PRRX1: variants seen among roughly 807,000 people sequenced by gnomAD.
The protein encoded by PRRX1 is paired related homeobox 1.
A neutral mutation model predicts 24.0 loss-of-function variants in PRRX1; 8 were observed. The observed-to-expected ratio is 0.33, with a 90% confidence interval of 0.20 to 0.60. The LOEUF (loss-of-function observed/expected upper bound fraction) is 0.60, where lower values mean the gene tolerates loss of function less well. Ranked by LOEUF, PRRX1 falls within the 20% of genes least tolerant of loss-of-function variation. PRRX1 has a pLI of 0.82. For synonymous variants in PRRX1, 160 were observed against 131.7 expected, an observed-to-expected ratio of 1.22 and a Z score of -1.47; for missense variants, 281 against 322.4, an observed-to-expected ratio of 0.87 and a Z score of 0.98.
rs376166574 is a variant in PRRX1 at position 170,702,419 on chromosome 1, G to T, written c.242-17307G>T. Among the ~76,000 whole-genome samples, 5 of 152,106 alleles carry T rather than the reference G, an allele frequency of 3.3e-5. No individual in the cohort carries two copies. The East Asian group carries it at 7.8e-4, about 24-fold the overall frequency. ...TTTCAAGCCTCTAATAACCACAATT[G>T]TACTCTCTACTTGGAAGAACTTTTA... On this transcript the variant is annotated intron_variant, in intron 1 of 3. Transcript: ENST00000239461.
chr1:170,706,241 TGGAATTACACAGTGTCTA>T (rs1168269879), intron 1 of PRRX1, among the ~76,000 whole-genome samples: 1 of 152,200 alleles, frequency 6.6e-6, no homozygotes, highest in Non-Finnish European at 1.5e-5. Context: ...TGTATATCCA[TGGAATTACACAGTGTCTA>T]GTTAATCCAT....
At chr1:170,687,554 C>T (rs534396422) in intron 1 of PRRX1, among the ~76,000 whole-genome samples, 1 of 152,274 alleles carries the variant, frequency 6.6e-6, no homozygotes, top group South Asian at 2.1e-4. Context: ...GCCCTCTGAG[C>T]CTCACTTTCC....
rs139256230 is a variant in PRRX1 at position 170,706,716 on chromosome 1, A to G, written c.242-13010A>G. 2.6e-5 allele frequency among the ~76,000 whole-genome samples: 4 copies of G among 152,334 alleles called. No homozygotes were observed. In the East Asian group the frequency reaches 5.8e-4, roughly 22 times the overall value. On this transcript the variant is annotated intron_variant, in intron 1 of 3. Transcript: ENST00000239461. ...TTAGAGACAAGTTTTGATATAAAAA[A>G]TGGGTTCTCTCAGGTCAAGAAGTTA...
intron 1 of PRRX1, among the ~76,000 whole-genome samples, chr1:170,675,224 G>A (rs971175117): frequency 1.3e-5 from 2 of 152,022 alleles, no homozygotes; most frequent in East Asian, 3.9e-4. Context: ...TTCCTTTTCT[G>A]CTTGTTCTAG....
intron 1 of PRRX1, among the ~76,000 whole-genome samples, chr1:170,695,230 A>C (rs1252157019): frequency 6.6e-6 from 1 of 152,178 alleles, no homozygotes; most frequent in African/African-American, 2.4e-5. Flanking sequence ...GAGGAAACTG[A>C]AGTGATTTGC....
At chr1:170,670,819 A>G (rs1004119128) in intron 1 of PRRX1, among the ~76,000 whole-genome samples, 1 of 152,136 alleles carries the variant, frequency 6.6e-6, no homozygotes, top group African/African-American at 2.4e-5. Flanking sequence ...GAATAAATCA[A>G]TCAGAGGCAC....
chr1:170,709,092 A>G (rs531228560), intron 1 of PRRX1, among the ~76,000 whole-genome samples: 2 of 152,330 alleles, frequency 1.3e-5, no homozygotes, highest in South Asian at 2.1e-4. Context: ...GCCTACCCTC[A>G]TGAAGCTATA....
chr1:170,695,388 G>T (rs879918691), intron 1 of PRRX1, among the ~76,000 whole-genome samples: 2 of 152,112 alleles, frequency 1.3e-5, no homozygotes, highest in East Asian at 3.9e-4. Context: ...CATACCTAAG[G>T]TTCAATCAGT....
At chr1:170,720,007 C>T in intron 2 of PRRX1, 106 bp downstream of exon 2, 3 of 1,420,932 alleles carry the variant, frequency 2.1e-6, no homozygotes, top group Non-Finnish European at 2.9e-6. Context: ...GTGGCTCATG[C>T]CTGCAATCTC....
chr1:170,716,640 A>C (rs918334420), intron 1 of PRRX1, among the ~76,000 whole-genome samples: 2 of 152,222 alleles, frequency 1.3e-5, no homozygotes, highest in African/African-American at 4.8e-5. Flanking sequence ...AACTTGGTGA[A>C]TCCTTCCCAT....
chr1:170,676,216 C>T (rs569354655), intron 1 of PRRX1, among the ~76,000 whole-genome samples: 191 of 152,288 alleles, frequency 1.3e-3, no homozygotes, highest in Middle Eastern at 0.01. Flanking sequence ...TAATATCACT[C>T]CACATTTGAC....
chr1:170,693,374 G>C (rs1318475868), intron 1 of PRRX1, among the ~76,000 whole-genome samples: 1 of 151,946 alleles, frequency 6.6e-6, no homozygotes, highest in East Asian at 1.9e-4. Context: ...GTGTACTTAG[G>C]GTCAGTATGA....
Position 170,736,299 on chromosome 1 carries a change from A to C in PRRX1, c.*113A>C. 2 of 1,395,002 alleles carry C rather than the reference A, an allele frequency of 1.4e-6. No individual in the cohort carries two copies. Among genetic ancestry groups the C allele is most frequent in the Non-Finnish European group, 2.0e-6 (2 of 1,006,652 alleles). 86.4% of individuals were successfully genotyped at this position (1,395,002 alleles called of 1,614,324 possible). A position where few individuals can be genotyped will look rare whatever the true frequency, so the allele number is the denominator to read the frequency against. Reference sequence around the variant, plus strand: ...GAAAAAGTAAATTACAAACAAACAAACAAAGCAGAACTAAAATATTGGGAC... The same window carrying C: ...GAAAAAGTAAATTACAAACAAACAACCAAAGCAGAACTAAAATATTGGGAC... On this transcript the variant is annotated 3_prime_UTR_variant, in exon 4 of 4. Transcript: ENST00000239461.
intron 1 of PRRX1, among the ~76,000 whole-genome samples, chr1:170,714,775 C>T (rs1267213007): frequency 1.3e-5 from 2 of 152,148 alleles, no homozygotes; most frequent in East Asian, 1.9e-4. Flanking sequence ...CACCTTCCCT[C>T]TAGGGCAACT....
intron 1 of PRRX1, among the ~76,000 whole-genome samples, chr1:170,700,351 T>G (rs912115353): frequency 7.9e-5 from 12 of 152,128 alleles, no homozygotes; most frequent in African/African-American, 2.9e-4. Context: ...GGAGAACCTT[T>G]AGGATATATA....
At chr1:170,668,809 C>G (rs61130317) in intron 1 of PRRX1, 26,496 of 152,068 alleles carry the variant, frequency 0.17, 2,601 homozygotes, top group Admixed American at 0.3. Flanking sequence ...GACTCTGGGG[C>G]CCACTGGCAG....
chr1:170,713,482 A>G (rs1654810016), intron 1 of PRRX1, among the ~76,000 whole-genome samples: 2 of 152,364 alleles, frequency 1.3e-5, no homozygotes, highest in South Asian at 4.1e-4. Flanking sequence ...TTTGTTCTAT[A>G]GAGGTGAAAA....
Position 170,719,947 on chromosome 1 carries a change from G to A in PRRX1, c.417+46G>A, listed in dbSNP as rs190466525. The A allele has an allele frequency of 5.5e-4, 881 of 1,604,560 alleles. 5 individuals carry two copies. The African/African-American group carries it at 0.01, about 18-fold the overall frequency. On this transcript the variant is annotated intron_variant, in intron 2 of 3. Coordinates refer to ENST00000239461, the MANE Select transcript of PRRX1 (RefSeq NM_022716.4). ...CTGGCACCAAGTAGTACCCTCCTCAGAGGCACATCTCTGAAAACTGTTTAA... is the reference window on the plus strand; with the variant it reads ...CTGGCACCAAGTAGTACCCTCCTCAAAGGCACATCTCTGAAAACTGTTTAA...
chr1:170,736,380 T>A lies in PRRX1; in HGVS notation c.*194T>A. ...ATGAAAATTAGTTAACAAATGTTCCTCCTCCCTCTGGGATACCACCACCAC... is the reference window on the plus strand; with the variant it reads ...ATGAAAATTAGTTAACAAATGTTCCACCTCCCTCTGGGATACCACCACCAC... On this transcript the variant is annotated 3_prime_UTR_variant, in exon 4 of 4. Coordinates refer to ENST00000239461, the MANE Select transcript of PRRX1 (RefSeq NM_022716.4). 1.4e-6 allele frequency: 1 copy of A among 701,320 alleles called. No individual in the cohort carries two copies. Among genetic ancestry groups the A allele is most frequent in the Non-Finnish European group, 2.3e-6 (1 of 425,736 alleles). 43.4% of individuals were successfully genotyped at this position (701,320 alleles called of 1,614,324 possible). A position where few individuals can be genotyped will look rare whatever the true frequency, so the allele number is the denominator to read the frequency against.
Sources: gnomAD v4.1 joint callset for allele counts (sites outside exome capture counted in the v4.1 genomes callset) on GRCh38, gnomAD v4.1.1 for gene constraint, MANE v1.5 for transcripts, NCBI Gene and HGNC (gene_info 2026-07-23, HGNC 2026-07-21) for gene names.